The following TMEM8B variants were observed in gnomAD, a reference collection of about 807,000 sequenced individuals.
The protein encoded by TMEM8B is nasopharyngeal carcinoma expressed 6.
In TMEM8B, 29 loss-of-function variants were observed where a neutral mutation model predicts 49.3. The ratio of observed to expected loss-of-function variants is 0.59; its 90% CI spans 0.44 to 0.80. The LOEUF is 0.80. TMEM8B is among the 30% of genes least tolerant of loss of function. The probability of loss-of-function intolerance (pLI) is 0.00; values close to 1 mark genes in which losing one functional copy is unlikely to be tolerated. For synonymous variants in TMEM8B, 264 were observed against 272.8 expected (o/e 0.97, Z 0.32); for missense variants, 575 against 658.5 (o/e 0.87, Z 1.39).
intron 10 of TMEM8B, among the ~76,000 whole-genome samples, chr9:35,848,675 CTTT>C (rs34593597): frequency 4.5e-5 from 6 of 132,124 alleles, no homozygotes; most frequent in Admixed American, 2.4e-4. Context: ...TGTTTTTTTT[CTTT>C]TTTTTTTTTT....
Position 35,853,187 on chromosome 9 carries a change from T to G in TMEM8B, c.2369T>G (p.Leu790Arg). ...GAMLLSMALQ[L>R]DRHGLWNLLG... ...ATGCTGCTGTCCATGGCTCTGCAGC[T>G]TGACCGACATGGACTCTGGAACCTG... The change falls in exon 12 of 13, where the codon CTT becomes CGT. Residue 790 changes from leucine to arginine, a missense_variant. Leu to Arg is a moderately radical substitution (Grantham distance 102). Transcript: ENST00000643932. The surrounding 1 kb of genome is among the most constrained non-coding windows in gnomAD (Gnocchi z 4.2). 3 of 1,614,200 alleles carry G rather than the reference T, an allele frequency of 1.9e-6. No individual in the cohort carries two copies. The highest frequency in any genetic ancestry group is 2.5e-6 in the Non-Finnish European group (3 of 1,180,022).
chr9:35,831,159 G>A (rs1829856726), intron 1 of TMEM8B, among the ~76,000 whole-genome samples: 1 of 152,222 alleles, frequency 6.6e-6, no homozygotes, highest in African/African-American at 2.4e-5. Flanking sequence ...GGTCACTTAT[G>A]TGTATGTGTG....
rs1267392436 is a variant in TMEM8B at position 35,856,105 on chromosome 9, A to G, written c.*2265A>G. On this transcript the variant is annotated 3_prime_UTR_variant, in exon 13 of 13. Transcript: ENST00000643932. Reference sequence around the variant, plus strand: ...TGGGAAGAGGGACATTTGAACTAGGATTAGCTGAGTTGCCATGATGCTAAG... The same window carrying G: ...TGGGAAGAGGGACATTTGAACTAGGGTTAGCTGAGTTGCCATGATGCTAAG... The G allele has an allele frequency of 1.3e-5, 2 of 152,194 alleles. No individual in the cohort carries two copies. The highest frequency in any genetic ancestry group is 4.8e-5 in the African/African-American group (2 of 41,434). 9.4% of individuals were successfully genotyped at this position (152,194 alleles called of 1,614,324 possible).
At position 35,832,783 on chromosome 9, in the gene TMEM8B, A is replaced by G. The variant is rs773132517; in HGVS notation, c.509-1678A>G. ...GCTAGAGTTCTGATTTCTTCTAACAATAGTATCCAGGCTGTTCACCTCTTA... is the reference window on the plus strand; with the variant it reads ...GCTAGAGTTCTGATTTCTTCTAACAGTAGTATCCAGGCTGTTCACCTCTTA... On this transcript the variant is annotated intron_variant, in intron 1 of 12. Transcript: ENST00000643932. Among the ~76,000 whole-genome samples, 54 of 152,180 alleles carry G rather than the reference A, an allele frequency of 3.5e-4. No homozygotes were observed. In the Middle Eastern group the frequency reaches 0.02, roughly 58 times the overall value.
intron 10 of TMEM8B, chr9:35,847,345 CTG>C: frequency 1.6e-6 from 1 of 610,530 alleles, no homozygotes; most frequent in Non-Finnish European, 2.9e-6. Context: ...ACCATGTTCT[CTG>C]TATGGGGGCA....
rs188773465 is a variant in TMEM8B at position 35,859,187 on chromosome 9, G to T, written c.*5347G>T. The T allele has an allele frequency of 1.6e-4, 25 of 154,376 alleles. No homozygotes were observed. The highest frequency in any genetic ancestry group is 5.3e-4 in the African/African-American group (22 of 41,608). 9.6% of individuals were successfully genotyped at this position (154,376 alleles called of 1,614,324 possible). Reference sequence around the variant, plus strand: ...AGAACAATGCGACAGTCTTATCCACGTTGGGATCCTTGGCCTTGGGTTTGA... The same window carrying T: ...AGAACAATGCGACAGTCTTATCCACTTTGGGATCCTTGGCCTTGGGTTTGA... On this transcript the variant is annotated 3_prime_UTR_variant, in exon 13 of 13. Transcript: ENST00000643932.
chr9:35,846,668 C>A (rs1831616701), intron 9 of TMEM8B, 57 bp downstream of exon 9: 2 of 1,561,150 alleles, frequency 1.3e-6, no homozygotes, highest in Admixed American at 3.7e-5. Flanking sequence ...CCTGCTGGGC[C>A]TGTGGGCAGG....
chr9:35,852,962 G>C lies in TMEM8B; in HGVS notation c.2311G>C (p.Val771Leu), dbSNP rs781170618. 8 of 1,614,040 alleles carry C rather than the reference G, an allele frequency of 5.0e-6. No homozygotes were observed. The Admixed American group carries it at 1.2e-4, about 24-fold the overall frequency. ...CATTGCCATGGCTCGTTTACAGCCC[G>C]TGGTCAAGCAGGTCAGTCCAGAGTG... Reference protein sequence around the residue: ...TVIAMARLQPVVKQVLYLLGA... With the variant: ...TVIAMARLQPLVKQVLYLLGA... Residue 771 changes from valine to leucine, a missense_variant, in exon 11 of 13, where the codon GTG (valine) becomes CTG (leucine). By Grantham distance (32) the Val-to-Leu change is conservative. Transcript: ENST00000643932.
chr9:35,852,935 G>A lies in TMEM8B; in HGVS notation c.2284G>A (p.Val762Ile), dbSNP rs1048546002. The A allele has an allele frequency of 3.7e-6, 6 of 1,614,188 alleles. No individual in the cohort carries two copies. The highest frequency in any genetic ancestry group is 5.1e-6 in the Non-Finnish European group (6 of 1,180,028). Residue 762 changes from valine (V) to isoleucine (I), a missense_variant, in exon 11 of 13, where the codon GTC (valine) becomes ATC (isoleucine). Coordinates refer to ENST00000643932, the MANE Select transcript of TMEM8B (RefSeq NM_001042590.4). Reference protein sequence around the residue: ...LGSLMSVWVTVIAMARLQPVV... With the variant: ...LGSLMSVWVTIIAMARLQPVV... ...CTCCTTAATGTCCGTGTGGGTCACTGTCATTGCCATGGCTCGTTTACAGCC... is the reference window on the plus strand; with the variant it reads ...CTCCTTAATGTCCGTGTGGGTCACTATCATTGCCATGGCTCGTTTACAGCC...
rs1276113508 is a variant in TMEM8B, at chr9:35,829,263, C to G, written c.-185C>G. The stretch of plus-strand genomic sequence containing the variant: ...CAAGTCGAGGCCGCCGCCGCGGGGC[C>G]TGGTTATCGCCGGTTCAGCGCAGCC... On this transcript the variant is annotated 5_prime_UTR_variant, in exon 1 of 13. Coordinates refer to ENST00000643932, the MANE Select transcript of TMEM8B (RefSeq NM_001042590.4). The G allele has an allele frequency of 5.6e-6, 2 of 356,560 alleles. No individual in the cohort carries two copies. Among genetic ancestry groups the G allele is most frequent in the African/African-American group, 2.1e-5 (1 of 46,896 alleles). The allele number at this position is 356,560 out of a possible 1,614,324, so 22.1% of individuals were successfully genotyped here.
intron 3 of TMEM8B, among the ~76,000 whole-genome samples, chr9:35,839,372 A>G (rs1037213737): frequency 5.9e-5 from 9 of 151,984 alleles, no homozygotes; most frequent in African/African-American, 2.2e-4. Flanking sequence ...GGACTCTCTC[A>G]CCTGGTGTCT....
Position 35,852,860 on chromosome 9 carries a change from G to A in TMEM8B, c.2209G>A (p.Val737Ile). 4 of 1,614,150 alleles carry A rather than the reference G, an allele frequency of 2.5e-6. No individual in the cohort carries two copies. The highest frequency in any genetic ancestry group is 3.4e-6 in the Non-Finnish European group (4 of 1,180,032). Residue 737 changes from valine (V) to isoleucine (I), a missense_variant, in exon 11 of 13, where the codon GTT (valine) becomes ATT (isoleucine). By Grantham distance (29) the Val-to-Ile change is conservative. Coordinates refer to ENST00000643932, the MANE Select transcript of TMEM8B (RefSeq NM_001042590.4). ...YHACDQPGIV[V>I]FCIMDYDVLQ... ...TGCCTGTGACCAGCCAGGCATCGTGGTTTTCTGCATCATGGACTACGATGT... is the reference window on the plus strand; with the variant it reads ...TGCCTGTGACCAGCCAGGCATCGTGATTTTCTGCATCATGGACTACGATGT...
Position 35,846,337 on chromosome 9 carries a change from G to A in TMEM8B, c.1809G>A (p.Gly603=). ...ARLRIPFPQT[G]TWFLALRSLC... ...TGCGAATCCCATTCCCGCAGACGGG[G>A]ACCTGGTTCCTGGCCCTCCGCTCCC... Residue 603 remains glycine (G), a synonymous_variant, in exon 8 of 13, where the codon GGG becomes GGA. Transcript: ENST00000643932. The A allele has an allele frequency of 1.9e-6, 3 of 1,614,160 alleles. No individual in the cohort carries two copies. Among genetic ancestry groups the A allele is most frequent in the Non-Finnish European group, 2.5e-6 (3 of 1,180,034 alleles).
rs895294386 is a variant in TMEM8B at position 35,853,222 on chromosome 9, A to C, written c.2404A>C (p.Ser802Arg). Residue 802 changes from serine (S) to arginine (R), a missense_variant, in exon 12 of 13, where the codon AGT becomes CGT. Physicochemically the swap from Ser to Arg is moderately radical, Grantham distance 110. Transcript: ENST00000643932. The surrounding 1 kb of genome is among the most constrained non-coding windows in gnomAD (Gnocchi z 4.2). ...TGGACTCTGGAACCTGCTTGGACCC[A>C]GTCTCTTCGCCCTGGGGATCTTGGC... Reference protein sequence around the residue: ...RHGLWNLLGPSLFALGILATA... With the variant: ...RHGLWNLLGPRLFALGILATA... 3.1e-6 allele frequency: 5 copies of C among 1,613,854 alleles called. No individual in the cohort carries two copies. Among genetic ancestry groups the C allele is most frequent in the Non-Finnish European group, 4.2e-6 (5 of 1,179,966 alleles).
rs920566027 is a variant in TMEM8B at position 35,863,824 on chromosome 9, A to G, written c.*9984A>G. 1.3e-5 allele frequency: 2 copies of G among 152,338 alleles called. No individual in the cohort carries two copies. The highest frequency in any genetic ancestry group is 2.9e-5 in the Non-Finnish European group (2 of 68,132). 9.4% of individuals were successfully genotyped at this position (152,338 alleles called of 1,614,324 possible). Reference sequence around the variant, plus strand: ...CCCTGCGGCATCCTACCACCTGCCCAGAAGGAGGAGAACCAGAATTACTGC... The same window carrying G: ...CCCTGCGGCATCCTACCACCTGCCCGGAAGGAGGAGAACCAGAATTACTGC... On this transcript the variant is annotated 3_prime_UTR_variant, in exon 13 of 13. Coordinates refer to ENST00000643932, the MANE Select transcript of TMEM8B (RefSeq NM_001042590.4).
Position 35,861,357 on chromosome 9 carries a change from C to T in TMEM8B, c.*7517C>T, listed in dbSNP as rs565195046. The T allele has an allele frequency of 1.3e-5, 2 of 152,626 alleles. No individual in the cohort carries two copies. The highest frequency in any genetic ancestry group is 4.8e-5 in the African/African-American group (2 of 41,568). The allele number at this position is 152,626 out of a possible 1,614,324, so 9.5% of individuals were successfully genotyped here. A position where few individuals can be genotyped will look rare whatever the true frequency, so the allele number is the denominator to read the frequency against. ...CATCCCCAGTGGGGGGTGTTCTGCC[C>T]ATTCTCCAGAGCCCAGCACTGCTCC... On this transcript the variant is annotated 3_prime_UTR_variant, in exon 13 of 13. Transcript: ENST00000643932.
At position 35,829,361 on chromosome 9, in the gene TMEM8B, C is replaced by A. The variant is rs1319359068; in HGVS notation, c.-87C>A. On this transcript the variant is annotated 5_prime_UTR_variant, in exon 1 of 13. Coordinates refer to ENST00000643932, the MANE Select transcript of TMEM8B (RefSeq NM_001042590.4). ...CCGGGCCCGCGAGGACACCGGAGGC[C>A]ACCCCCCGGGGGTGGGGAGCGGAGC... 8.0e-6 allele frequency: 3 copies of A among 376,040 alleles called. No homozygotes were observed. Among genetic ancestry groups the A allele is most frequent in the South Asian group, 1.3e-4 (1 of 7,534 alleles). 23.3% of individuals were successfully genotyped at this position (376,040 alleles called of 1,614,324 possible).
At position 35,864,948 on chromosome 9, in the gene TMEM8B, TAGAC is replaced by T. The variant is rs1375716140; in HGVS notation, c.*11111_*11114del. 6.6e-6 allele frequency: 1 copy of T among 152,322 alleles called. No individual in the cohort carries two copies. The highest frequency in any genetic ancestry group is 2.4e-5 in the African/African-American group (1 of 41,440). The allele number at this position is 152,322 out of a possible 1,614,324, so 9.4% of individuals were successfully genotyped here. On this transcript the variant is annotated 3_prime_UTR_variant, in exon 13 of 13. Coordinates refer to ENST00000643932, the MANE Select transcript of TMEM8B (RefSeq NM_001042590.4). ...ACCTGCCTCTTGCTCCCCTGCCACATAGACAGTCTGCTTGCCCCCTGCTTTCAGG... is the reference window on the plus strand; with the variant it reads ...ACCTGCCTCTTGCTCCCCTGCCACATAGTCTGCTTGCCCCCTGCTTTCAGG...
chr9:35,849,230 C>G (rs1265450472), intron 10 of TMEM8B, among the ~76,000 whole-genome samples: 1 of 152,110 alleles, frequency 6.6e-6, no homozygotes, highest in African/African-American at 2.4e-5. Context: ...AGTCCTCTTC[C>G]TTGTCTTCAA....
Sources: gnomAD v4.1 joint callset for allele counts (sites outside exome capture counted in the v4.1 genomes callset) on GRCh38, gnomAD v4.1.1 for gene constraint, Gnocchi (gnomAD v3.1) non-coding constraint, MANE v1.5 for transcripts, NCBI Gene and HGNC (gene_info 2026-07-23, HGNC 2026-07-21) for gene names.